Variants in PKD1L1 observed in about 807,000 individuals in gnomAD.
PKD1L1 encodes the protein polycystin-1-like protein 1.
A neutral mutation model predicts 323.4 loss-of-function variants in PKD1L1; 236 were observed. The observed-to-expected ratio is 0.73, with a 90% CI of 0.66 to 0.81. PKD1L1 has a LOEUF of 0.81. PKD1L1 is among the 40% of genes least tolerant of loss of function. The probability of loss-of-function intolerance (pLI) is 0.00; values close to 1 mark genes in which losing one functional copy is unlikely to be tolerated. For missense variants in PKD1L1, 3,320 were observed against 3,508.0 expected (o/e 0.95, Z 1.35); for synonymous variants, 1,344 against 1,335.0 (o/e 1.01, Z -0.15).
chr7:47,821,084 T>C lies in PKD1L1; in HGVS notation c.6957A>G (p.Glu2319=). ...EYSLNQAIRK[E]FTRNARNCLG... ...TTACCCAAACCTCCTACCTTGTAAA[T>C]TCTTTCCGGATAGCTTGATTGAGGG... The change falls in exon 46 of 57, where the codon GAA becomes GAG. Residue 2319 remains glutamate, a synonymous_variant. Transcript: ENST00000289672. 2 of 1,583,484 alleles carry C rather than the reference T, an allele frequency of 1.3e-6. No individual in the cohort carries two copies. The highest frequency in any genetic ancestry group is 1.7e-6 in the Non-Finnish European group (2 of 1,152,178).
At chr7:47,909,405 T>C (rs1340401825) in intron 8 of PKD1L1, among the ~76,000 whole-genome samples, 2 of 152,244 alleles carry the variant, frequency 1.3e-5, no homozygotes, top group South Asian at 2.1e-4. Flanking sequence ...CCATCACAAA[T>C]ATGCCCCTGT....
chr7:47,858,566 T>A (rs1277965382), intron 27 of PKD1L1, 107 bp downstream of exon 27: 1 of 1,053,370 alleles, frequency 9.5e-7, no homozygotes, highest in African/African-American at 1.6e-5. Flanking sequence ...ACACAGTACT[T>A]CAGAAACTGA....
rs1032547297 is a variant in PKD1L1 at position 47,905,392 on chromosome 7, G to T, written c.1523-67C>A. 5.3e-6 allele frequency: 8 copies of T among 1,512,972 alleles called. No individual in the cohort carries two copies. The African/African-American group carries it at 6.9e-5, about 13-fold the overall frequency. 93.7% of individuals were successfully genotyped at this position (1,512,972 alleles called of 1,614,324 possible). ...AGGGCTGGAATCTCCAGAGAAACTA[G>T]TACCTCTACTTTCCCACTTGGTCAT... is the stretch of plus-strand genomic sequence containing the variant. On this transcript the variant is annotated intron_variant, in intron 10 of 56. Transcript: ENST00000289672.
At chr7:47,827,857 T>C (rs1785268752) in intron 44 of PKD1L1, among the ~76,000 whole-genome samples, 1 of 152,200 alleles carries the variant, frequency 6.6e-6, no homozygotes, top group Admixed American at 6.5e-5. Context: ...AGTATAGTCT[T>C]AGCAAGAAAT....
intron 31 of PKD1L1, among the ~76,000 whole-genome samples, chr7:47,848,631 C>T (rs1762319231): frequency 6.6e-6 from 1 of 152,146 alleles, no homozygotes; most frequent in Admixed American, 6.5e-5. Context: ...CATGGAGAAA[C>T]TCTGTCTCTA....
At chr7:47,857,965 G>A in intron 27 of PKD1L1, 133 bp from the exon 28 acceptor site, 1 of 799,692 alleles carries the variant, frequency 1.3e-6, no homozygotes, top group Admixed American at 2.5e-5. Flanking sequence ...GGAAGCAAGA[G>A]CGCAGGTCTT....
chr7:47,775,254 G>A, intron 56 of PKD1L1, 88 bp from the exon 57 acceptor site: 3 of 1,489,568 alleles, frequency 2.0e-6, no homozygotes, highest in Non-Finnish European at 2.8e-6. Flanking sequence ...AGCAAGTGCT[G>A]ATCAGACCTG....
chr7:47,815,580 T>C (rs1784999147), intron 46 of PKD1L1, 123 bp from the exon 47 acceptor site: 1 of 1,161,326 alleles, frequency 8.6e-7, no homozygotes, highest in Non-Finnish European at 1.2e-6. Flanking sequence ...TCTGCAGGAA[T>C]TAAACTCAAG....
At position 47,775,015 on chromosome 7, in the gene PKD1L1, A is replaced by G; in HGVS notation, c.*128T>C. ...CCCATTTACTTGTTACGTGAACTGG[A>G]AAAATTAACAAAACTTCTTCGTACC... On this transcript the variant is annotated 3_prime_UTR_variant, in exon 57 of 57. Transcript: ENST00000289672. 2 of 1,003,298 alleles carry G rather than the reference A, an allele frequency of 2.0e-6. No homozygotes were observed. Among genetic ancestry groups the G allele is most frequent in the South Asian group, 1.5e-5 (1 of 67,236 alleles). 62.1% of individuals were successfully genotyped at this position (1,003,298 alleles called of 1,614,324 possible). A position where few individuals can be genotyped will look rare whatever the true frequency, so the allele number is the denominator to read the frequency against.
At chr7:47,865,091 G>T in intron 26 of PKD1L1, 125 bp downstream of exon 26, 1 of 720,776 alleles carries the variant, frequency 1.4e-6, no homozygotes, top group Non-Finnish European at 2.3e-6. Flanking sequence ...AATTCTTAAG[G>T]GAAAATCACA....
chr7:47,865,412 A>G, intron 25 of PKD1L1, 140 bp from the exon 26 acceptor site: 1 of 686,700 alleles, frequency 1.5e-6, no homozygotes, highest in East Asian at 2.8e-5. Flanking sequence ...ATTGGAGGCC[A>G]GACCTTCTGT....
At chr7:47,899,864 G>A (rs1787044370) in intron 13 of PKD1L1, among the ~76,000 whole-genome samples, 1 of 149,078 alleles carries the variant, frequency 6.7e-6, no homozygotes, top group Non-Finnish European at 1.5e-5. Flanking sequence ...GCTGAGGCAG[G>A]AGAATGGTGT....
chr7:47,954,034 T>C, the PKD1L1 span, among the ~76,000 whole-genome samples: 1 of 152,322 alleles, frequency 6.6e-6, no homozygotes, highest in South Asian at 2.1e-4. Flanking sequence ...AAAAAGTGGT[T>C]AGTGTATATA....
At chr7:47,939,983 C>T (rs1439785570) in intron 3 of PKD1L1, among the ~76,000 whole-genome samples, 2 of 152,226 alleles carry the variant, frequency 1.3e-5, no homozygotes, top group Non-Finnish European at 2.9e-5. Flanking sequence ...CTGGGCTGGG[C>T]TAGCCCTGCC....
Position 47,792,675 on chromosome 7 carries a change from C to G in PKD1L1, c.8478G>C (p.Arg2826Ser). 6.2e-7 allele frequency: 1 copy of G among 1,614,108 alleles called. No homozygotes were observed. The highest frequency in any genetic ancestry group is 1.1e-5 in the South Asian group (1 of 91,076). ...EKTSNNTGEA[R>S]TEESPLVDIS... The stretch of plus-strand genomic sequence containing the variant: ...TGTCCACTAAGGGACTCTCTTCTGT[C>G]CTTGCCTCCCCTGTGTTGTTGGATG... Residue 2826 changes from arginine to serine, a missense_variant, in exon 56 of 57, where the codon AGG becomes AGC. Transcript: ENST00000289672.
chr7:47,831,856 A>G (rs1785354975), intron 41 of PKD1L1, among the ~76,000 whole-genome samples: 1 of 152,210 alleles, frequency 6.6e-6, no homozygotes, highest in Non-Finnish European at 1.5e-5. Context: ...CTGGAATCTG[A>G]GGGTCTGCCC....
rs1784826072 is a variant in PKD1L1, at chr7:47,808,367, G to A, written c.7707C>T (p.Ser2569=). The A allele has an allele frequency of 6.2e-7, 1 of 1,614,134 alleles. No individual in the cohort carries two copies. The highest frequency in any genetic ancestry group is 1.3e-5 in the African/African-American group (1 of 75,038). The change falls in exon 52 of 57, where the codon AGC becomes AGT. Residue 2569 remains serine, a synonymous_variant. Transcript: ENST00000289672. The part of the protein sequence containing the change: ...NWLELSVVGV[S]LTYYAVSGHL... Reference sequence around the variant, plus strand: ...GGCCGGAAACTGCATAGTAGGTGAGGCTCACTCCAACCACGGAGAGCTGGA... The same window carrying A: ...GGCCGGAAACTGCATAGTAGGTGAGACTCACTCCAACCACGGAGAGCTGGA...
In PKD1L1 at chr7:47,885,907, AC is replaced by A. The variant is rs761805130; in HGVS notation, c.2983del (p.Val995Ter). On this transcript the variant is annotated frameshift_variant, in exon 18 of 57. Coordinates refer to ENST00000289672, the MANE Select transcript of PKD1L1 (RefSeq NM_138295.5). LOFTEE classifies it high-confidence loss of function. ...TTPFSREPSP[V>X]TLGQPATSAP... The stretch of plus-strand genomic sequence containing the variant: ...TGAAGTGGCAGGTTGGCCAAGGGTC[AC>A]GGGTGAAGGTTCCCGTGAGAATGGT... 1 of 1,614,190 alleles carries A rather than the reference AC, an allele frequency of 6.2e-7. No homozygotes were observed. The highest frequency in any genetic ancestry group is 8.5e-7 in the Non-Finnish European group (1 of 1,180,034).
intron 28 of PKD1L1, among the ~76,000 whole-genome samples, chr7:47,855,595 G>A (rs1460944126): frequency 2.1e-5 from 2 of 96,980 alleles, no homozygotes; most frequent in East Asian, 2.1e-4. Flanking sequence ...GCAAGAGTGG[G>A]GCCGGGCGCG....
Sources: allele counts gnomAD v4.1 joint callset (sites outside exome capture counted in the v4.1 genomes callset), GRCh38; gene constraint gnomAD v4.1.1; transcripts MANE v1.5; gene names NCBI Gene and HGNC (gene_info 2026-07-23, HGNC 2026-07-21).